The following PXDNL variants were observed in gnomAD, a reference collection of about 807,000 sequenced individuals.
PXDNL encodes probable oxidoreductase PXDNL.
PXDNL carries 145 observed loss-of-function variants against 150.8 expected under a neutral mutation model. That is an observed-to-expected ratio of 0.96 (90% CI 0.84 to 1.10). The LOEUF (loss-of-function observed/expected upper bound fraction) is 1.10, where lower values mean the gene tolerates loss of function less well. PXDNL is among the 50% of genes least tolerant of loss of function. PXDNL has a pLI of 0.00. For synonymous variants in PXDNL, 757 were observed against 725.7 expected (o/e 1.04, Z -0.69); for missense variants, 2,087 against 1,873.9 (o/e 1.11, Z -2.10).
chr8:51,758,536 A>T (rs1418806740), intron 1 of PXDNL, among the ~76,000 whole-genome samples: 1 of 152,316 alleles, frequency 6.6e-6, no homozygotes, highest in East Asian at 1.9e-4. Flanking sequence ...CATAATCCCC[A>T]TGTGTCAAGG....
intron 3 of PXDNL, among the ~76,000 whole-genome samples, chr8:51,559,342 C>A (rs1037410642): frequency 2.1e-4 from 30 of 141,606 alleles, no homozygotes; most frequent in East Asian, 6.8e-4. Flanking sequence ...CCCCCCCCCC[C>A]CCGCCACCTT....
chr8:51,323,916 C>CA (rs1172614258), intron 21 of PXDNL, among the ~76,000 whole-genome samples: 4 of 110,884 alleles, frequency 3.6e-5, no homozygotes, highest in African/African-American at 9.3e-5. Context: ...AACTTCATCT[C>CA]AAAAAAAATA....
intron 1 of PXDNL, among the ~76,000 whole-genome samples, chr8:51,684,447 G>A (rs1343597804): frequency 6.6e-6 from 1 of 152,200 alleles, no homozygotes; most frequent in East Asian, 1.9e-4. Context: ...TGGAAAACCT[G>A]TGCATAATGA....
chr8:51,442,551 G>T (rs929118018), intron 12 of PXDNL, among the ~76,000 whole-genome samples: 2 of 151,934 alleles, frequency 1.3e-5, no homozygotes, highest in African/African-American at 2.4e-5. Flanking sequence ...CCTATGTTAT[G>T]AAGAGTTTTT....
chr8:51,515,132 C>T (rs893503271), intron 4 of PXDNL, among the ~76,000 whole-genome samples: 15 of 152,254 alleles, frequency 9.9e-5, no homozygotes, highest in African/African-American at 3.4e-4. Context: ...GTTGAAGCCC[C>T]CAGGTGGATG....
In PXDNL at chr8:51,374,673, T is replaced by A; in HGVS notation, c.3616A>T (p.Ile1206Phe). 6.2e-7 allele frequency: 1 copy of A among 1,613,914 alleles called. No homozygotes were observed. The highest frequency in any genetic ancestry group is 8.5e-7 in the Non-Finnish European group (1 of 1,179,856). Reference protein sequence around the residue: ...LWPALMVEDLIPGTRVGPTLM... With the variant: ...LWPALMVEDLFPGTRVGPTLM... ...GTTGGTCCCACTCTTGTACCAGGAA[T>A]CAGGTCTTCAACCATAAGGGCGGGC... The change falls in exon 18 of 23, where the codon ATT becomes TTT. Residue 1206 changes from isoleucine to phenylalanine, a missense_variant. Physicochemically the swap from Ile to Phe is conservative, Grantham distance 21. Transcript: ENST00000356297.
At chr8:51,664,333 A>G (rs1349529704) in intron 1 of PXDNL, among the ~76,000 whole-genome samples, 23 of 152,342 alleles carry the variant, frequency 1.5e-4, no homozygotes, top group Non-Finnish European at 1.3e-4. Context: ...ATTCTGGAGA[A>G]AGTGAGTTTA....
chr8:51,557,395 T>C (rs1812621496), intron 3 of PXDNL, among the ~76,000 whole-genome samples: 1 of 152,160 alleles, frequency 6.6e-6, no homozygotes. Flanking sequence ...CAGGGAAGAA[T>C]ACTATAAATG....
intron 5 of PXDNL, among the ~76,000 whole-genome samples, chr8:51,495,778 GC>G (rs1487106162): frequency 1.3e-5 from 2 of 152,150 alleles, no homozygotes; most frequent in African/African-American, 2.4e-5. Context: ...TGAAAGTGAG[GC>G]AATAATTAAT....
chr8:51,740,601 A>T (rs1189423053), intron 1 of PXDNL, among the ~76,000 whole-genome samples: 2 of 151,702 alleles, frequency 1.3e-5, no homozygotes, highest in Non-Finnish European at 2.9e-5. Context: ...TTTTTTTCAT[A>T]TGTTTGTTGG....
chr8:51,417,897 T>G (rs1808839300), intron 14 of PXDNL, among the ~76,000 whole-genome samples: 1 of 152,214 alleles, frequency 6.6e-6, no homozygotes, highest in Admixed American at 6.5e-5. Context: ...GCTCCACTGT[T>G]TTTTCAGAGA....
At chr8:51,707,213 A>C (rs896040486) in intron 1 of PXDNL, among the ~76,000 whole-genome samples, 1 of 152,172 alleles carries the variant, frequency 6.6e-6, no homozygotes, top group African/African-American at 2.4e-5. Flanking sequence ...ATAATCCTTT[A>C]ATAAAAACAG....
At chr8:51,544,675 C>G (rs1013963027) in intron 4 of PXDNL, among the ~76,000 whole-genome samples, 16 of 152,122 alleles carry the variant, frequency 1.1e-4, no homozygotes, top group African/African-American at 3.4e-4. Flanking sequence ...TTCCTCACCC[C>G]CCACAACCTA....
At chr8:51,488,442 A>C (rs1228372401) in intron 5 of PXDNL, among the ~76,000 whole-genome samples, 1 of 152,208 alleles carries the variant, frequency 6.6e-6, no homozygotes, top group Non-Finnish European at 1.5e-5. Flanking sequence ...AGTAGCCACC[A>C]TCCATACAGA....
intron 1 of PXDNL, among the ~76,000 whole-genome samples, chr8:51,709,194 T>C (rs1264407438): frequency 1.3e-5 from 2 of 152,152 alleles, no homozygotes; most frequent in African/African-American, 4.8e-5. Context: ...CTAATGTCAG[T>C]TGGAAGTCAA....
chr8:51,519,388 C>T (rs1415081673), intron 4 of PXDNL, among the ~76,000 whole-genome samples: 1 of 151,920 alleles, frequency 6.6e-6, no homozygotes, highest in Non-Finnish European at 1.5e-5. Flanking sequence ...TAAAAATTAG[C>T]CAGGCGTGGT....
At chr8:51,384,349 T>G (rs1807635477) in intron 17 of PXDNL, among the ~76,000 whole-genome samples, 1 of 151,194 alleles carries the variant, frequency 6.6e-6, no homozygotes, top group Non-Finnish European at 1.5e-5. Context: ...AATCTTATGG[T>G]TACCAGCACT....
intron 1 of PXDNL, among the ~76,000 whole-genome samples, chr8:51,743,908 A>AAAGG (rs61300692): frequency 0.081 from 5,424 of 66,970 alleles, 934 homozygotes; most frequent in East Asian, 0.39. Flanking sequence ...GCTGAGAGAG[A>AAAGG]AAGGAAGGAA....
intron 3 of PXDNL, among the ~76,000 whole-genome samples, chr8:51,591,381 C>T (rs1195137820): frequency 6.6e-6 from 1 of 152,132 alleles, no homozygotes; most frequent in Non-Finnish European, 1.5e-5. Context: ...ATTAGCAGAG[C>T]TGTGGGAGAC....
Sources: allele counts gnomAD v4.1 joint callset (sites outside exome capture counted in the v4.1 genomes callset), GRCh38; gene constraint gnomAD v4.1.1; transcripts MANE v1.5; gene names NCBI Gene and HGNC (gene_info 2026-07-23, HGNC 2026-07-21).